DYNC2H1: variants seen among roughly 807,000 people sequenced by gnomAD.
DYNC2H1 encodes cytoplasmic dynein 2 heavy chain 1.
A neutral mutation model predicts 570.0 loss-of-function variants in DYNC2H1; 410 were observed. That is an observed-to-expected ratio of 0.72 (90% CI 0.66 to 0.78). The LOEUF (loss-of-function observed/expected upper bound fraction) is 0.78, where lower values mean the gene tolerates loss of function less well. Ranked by LOEUF, DYNC2H1 falls within the 30% of genes least tolerant of loss-of-function variation. The pLI is 0.00. For missense variants in DYNC2H1, 4,865 were observed against 5,046.4 expected, an observed-to-expected ratio of 0.96 and a Z score of 1.09; for synonymous variants, 1,688 against 1,677.6, an observed-to-expected ratio of 1.01 and a Z score of -0.15.
chr11:103,309,882 C>A (rs1867496180), intron 78 of DYNC2H1, among the ~76,000 whole-genome samples: 1 of 151,994 alleles, frequency 6.6e-6, no homozygotes, highest in Admixed American at 6.6e-5. Context: ...GTAACCTTTT[C>A]TGGGATCTTG....
intron 59 of DYNC2H1, among the ~76,000 whole-genome samples, chr11:103,225,428 A>G (rs1445354700): frequency 2.6e-5 from 4 of 152,046 alleles, no homozygotes; most frequent in Non-Finnish European, 5.9e-5. Context: ...TAATTTTTGT[A>G]TAGGGTGAGA....
At chr11:103,365,042 A>G (rs1940836294) in intron 83 of DYNC2H1, among the ~76,000 whole-genome samples, 1 of 152,118 alleles carries the variant, frequency 6.6e-6, no homozygotes, top group African/African-American at 2.4e-5. Context: ...TAATTTGTAG[A>G]ATATTTTACA....
intron 82 of DYNC2H1, among the ~76,000 whole-genome samples, chr11:103,328,713 T>C (rs1441051497): frequency 2.0e-5 from 3 of 152,224 alleles, no homozygotes; most frequent in African/African-American, 4.8e-5. Context: ...TATACTTATG[T>C]ACAGATGCTG....
intron 63 of DYNC2H1, among the ~76,000 whole-genome samples, chr11:103,237,964 T>C (rs1864285038): frequency 6.6e-6 from 1 of 152,170 alleles, no homozygotes; most frequent in Non-Finnish European, 1.5e-5. Flanking sequence ...TCCTTTTAGA[T>C]AATTACTTGC....
In DYNC2H1 at chr11:103,135,912, G is replaced by T. The variant is rs776445424; in HGVS notation, c.2538G>T (p.Leu846=). 2 of 1,610,758 alleles carry T rather than the reference G, an allele frequency of 1.2e-6. No homozygotes were observed. The highest frequency in any genetic ancestry group is 1.7e-6 in the Non-Finnish European group (2 of 1,177,980). The change falls in exon 17 of 89, where the codon CTG becomes CTT. Residue 846 remains leucine, a synonymous_variant. Coordinates refer to ENST00000375735, the MANE Select transcript of DYNC2H1 (RefSeq NM_001377.3). ...CGATTTTCAGCAAAGCAGAAGATCT[G>T]TTTAGAAGATTGTCAGCTGTTTTAC... The part of the protein sequence containing the change: ...FLTIFSKAED[L]FRRLSAVLHQ...
intron 85 of DYNC2H1, among the ~76,000 whole-genome samples, chr11:103,451,555 T>C (rs773739419): frequency 6.6e-6 from 1 of 151,988 alleles, no homozygotes; most frequent in African/African-American, 2.4e-5. Context: ...ATGGTCTCGA[T>C]CTCTTGACCT....
rs1018517796 is a variant in DYNC2H1 at position 103,472,809 on chromosome 11, T to C, written c.12765+4104T>C. ...ATGATAATAATAAAATTCAGAACTT[T>C]GGTAACTAAACTTTTTTTTTACACC... On this transcript the variant is annotated intron_variant, in intron 88 of 88. Transcript: ENST00000375735. This position sits in a 1 kb window ranked among gnomAD's most constrained non-coding sequence, Gnocchi z 4.1. Among the ~76,000 whole-genome samples the C allele has an allele frequency of 4.6e-5, 7 of 152,270 alleles. No homozygotes were observed. The East Asian group carries it at 1.3e-3, about 29-fold the overall frequency.
intron 84 of DYNC2H1, among the ~76,000 whole-genome samples, chr11:103,425,910 T>C (rs745376717): frequency 8.0e-4 from 121 of 151,280 alleles, no homozygotes; most frequent in Non-Finnish European, 1.6e-3. Flanking sequence ...TAGTATGTTG[T>C]TGGGAACAGG....
At chr11:103,431,478 T>G (rs1216348207) in intron 84 of DYNC2H1, among the ~76,000 whole-genome samples, 1 of 152,146 alleles carries the variant, frequency 6.6e-6, no homozygotes, top group African/African-American at 2.4e-5. Context: ...CATGCTATTC[T>G]CTTTGTGTCT....
chr11:103,265,633 A>G (rs558902606), intron 70 of DYNC2H1, among the ~76,000 whole-genome samples: 3 of 152,072 alleles, frequency 2.0e-5, no homozygotes, highest in Admixed American at 2.0e-4. Context: ...TTTGAATTCT[A>G]TTATCTTCTT....
At chr11:103,410,334 T>C (rs1241574607) in intron 84 of DYNC2H1, among the ~76,000 whole-genome samples, 1 of 152,124 alleles carries the variant, frequency 6.6e-6, no homozygotes, top group Non-Finnish European at 1.5e-5. Flanking sequence ...TTTCTGGGTA[T>C]AGAAAATGTA....
chr11:103,256,284 A>G lies in DYNC2H1; in HGVS notation c.10461+44A>G, dbSNP rs761396359. On this transcript the variant is annotated intron_variant, in intron 68 of 88. Coordinates refer to ENST00000375735, the MANE Select transcript of DYNC2H1 (RefSeq NM_001377.3). This position sits in a 1 kb window ranked among gnomAD's most constrained non-coding sequence, Gnocchi z 4.0. ...GTAATTTCGTATTATGTTTTCTTGA[A>G]CATTTAGGTTAATATGATAGAAAAT... 6.5e-7 allele frequency: 1 copy of G among 1,533,134 alleles called. No homozygotes were observed. Among genetic ancestry groups the G allele is most frequent in the South Asian group, 1.3e-5 (1 of 79,836 alleles). 95.0% of individuals were successfully genotyped at this position (1,533,134 alleles called of 1,614,324 possible).
At chr11:103,437,282 A>G (rs775352661) in intron 85 of DYNC2H1, among the ~76,000 whole-genome samples, 1 of 152,100 alleles carries the variant, frequency 6.6e-6, no homozygotes, top group Non-Finnish European at 1.5e-5. Context: ...TGACCTTATG[A>G]AATTGAAAGC....
intron 83 of DYNC2H1, among the ~76,000 whole-genome samples, chr11:103,397,036 A>T (rs1310431172): frequency 6.6e-6 from 1 of 152,206 alleles, no homozygotes; most frequent in Non-Finnish European, 1.5e-5. Flanking sequence ...TTCATAGGTG[A>T]TAAGTACTTT....
chr11:103,173,335 A>G, intron 35 of DYNC2H1, 30 bp downstream of exon 35: 1 of 1,408,888 alleles, frequency 7.1e-7, no homozygotes, highest in Non-Finnish European at 9.4e-7. Flanking sequence ...ATATTTTTAT[A>G]TTTTACATTT....
At chr11:103,134,578 A>G (rs1335527427) in intron 15 of DYNC2H1, among the ~76,000 whole-genome samples, 159 bp downstream of exon 15, 1 of 152,174 alleles carries the variant, frequency 6.6e-6, no homozygotes, top group Non-Finnish European at 1.5e-5. Context: ...ATATATAAAG[A>G]CCACATATGA....
Position 103,287,612 on chromosome 11 carries a change from G to T in DYNC2H1, c.11095+7G>T. On this transcript the variant is annotated splice_region_variant and intron_variant, in intron 75 of 88. Transcript: ENST00000375735. ...TTTGCATGTAAAACTCTGGGTAAGT[G>T]TGATGCTTTTCAAGAACTAGACCAC... is the stretch of plus-strand genomic sequence containing the variant. The T allele has an allele frequency of 6.2e-7, 1 of 1,606,770 alleles. No individual in the cohort carries two copies. The highest frequency in any genetic ancestry group is 1.3e-5 in the African/African-American group (1 of 74,784).
In DYNC2H1 at chr11:103,122,928, A is replaced by G. The variant is rs1377855624; in HGVS notation, c.1589A>G (p.Tyr530Cys). The G allele has an allele frequency of 1.9e-6, 3 of 1,611,336 alleles. No homozygotes were observed. The highest frequency in any genetic ancestry group is 2.5e-6 in the Non-Finnish European group (3 of 1,178,566). Reference protein sequence around the residue: ...AKDLLDQLKLYEQEQFDDWSR... With the variant: ...AKDLLDQLKLCEQEQFDDWSR... The stretch of plus-strand genomic sequence containing the variant: ...GATCTCTTAGACCAGCTTAAACTAT[A>G]TGAACAGGAACAATTTGATGATTGG... The change falls in exon 11 of 89, where the codon TAT becomes TGT. Residue 530 changes from tyrosine to cysteine, a missense_variant. Physicochemically the swap from Tyr to Cys is radical, Grantham distance 194. Transcript: ENST00000375735.
At chr11:103,370,755 A>G (rs1941112969) in intron 83 of DYNC2H1, among the ~76,000 whole-genome samples, 1 of 152,196 alleles carries the variant, frequency 6.6e-6, no homozygotes, top group Non-Finnish European at 1.5e-5. Flanking sequence ...AAGAACCACA[A>G]TATTACTGGG....
Sources: allele counts gnomAD v4.1 joint callset (sites outside exome capture counted in the v4.1 genomes callset), GRCh38; gene constraint gnomAD v4.1.1; non-coding constraint Gnocchi (gnomAD v3.1); transcripts MANE v1.5; gene names NCBI Gene and HGNC (gene_info 2026-07-23, HGNC 2026-07-21).